CNKSR2: variants seen among roughly 807,000 people sequenced by gnomAD.
CNKSR2 encodes connector enhancer of kinase suppressor of Ras 2.
Under a neutral mutation model 84.4 loss-of-function variants are expected in CNKSR2, and 14 were observed. The ratio of observed to expected loss-of-function variants is 0.17; its 90% CI spans 0.11 to 0.26. The LOEUF is 0.26. Among genes scored for constraint, CNKSR2 ranks in the 10% least tolerant of loss-of-function variants. The probability of loss-of-function intolerance (pLI) is 1.00; values close to 1 mark genes in which losing one functional copy is unlikely to be tolerated. For synonymous variants in CNKSR2, 275 were observed against 277.9 expected (o/e 0.99, Z 0.10); for missense variants, 485 against 771.2 (o/e 0.63, Z 4.40).
intron 4 of CNKSR2, 162 bp downstream of exon 4, chrX:21,440,943 CTG>C: frequency 2.9e-6 from 1 of 341,568 alleles, no homozygotes; most frequent in Non-Finnish European, 5.0e-6. Flanking sequence ...TATTGGGAGA[CTG>C]TGCATTTAGC....
At chrX:21,382,362 T>G in intron 1 of CNKSR2, among the ~76,000 whole-genome samples, 1 of 111,899 alleles carries the variant, frequency 8.9e-6, no homozygotes. Context: ...TTATAAATAG[T>G]ATAAATATTA....
intron 9 of CNKSR2, among the ~76,000 whole-genome samples, chrX:21,517,672 C>T (rs1357721108): frequency 9.1e-6 from 1 of 109,454 alleles, no homozygotes; most frequent in East Asian, 2.9e-4. Context: ...TTGTCCTTCA[C>T]GAAACGTACA....
chrX:21,488,280 AT>A (rs2091406221), intron 5 of CNKSR2, among the ~76,000 whole-genome samples: 1 of 112,025 alleles, frequency 8.9e-6, no homozygotes, highest in African/African-American at 3.2e-5. Context: ...AAAAGCATTT[AT>A]TGGGTGTCTT....
In CNKSR2 at chrX:21,474,526, A is replaced by G. The variant is rs376551253; in HGVS notation, c.561+3719A>G. On this transcript the variant is annotated intron_variant, in intron 5 of 21. Coordinates refer to ENST00000379510, the MANE Select transcript of CNKSR2 (RefSeq NM_014927.5). ...CTGCTGGCTCTAATCCAATTATCCC[A>G]TTGGTCAAAGCTTGCTCCTTGGGGT... 1.5e-3 allele frequency among the ~76,000 whole-genome samples: 166 copies of G among 112,096 alleles called. 2 individuals are homozygous for G. In the South Asian group the frequency reaches 0.046, roughly 31 times the overall value.
chrX:21,468,235 A>G (rs1476823745), intron 4 of CNKSR2, among the ~76,000 whole-genome samples: 1 of 110,889 alleles, frequency 9.0e-6, no homozygotes, highest in Non-Finnish European at 1.9e-5. Flanking sequence ...CAAGGGGAAA[A>G]ATATGTCTAT....
intron 11 of CNKSR2, among the ~76,000 whole-genome samples, chrX:21,552,134 G>A (rs761768783): frequency 9.0e-6 from 1 of 110,544 alleles, no homozygotes; most frequent in South Asian, 3.8e-4. Context: ...TGGTAGCTAG[G>A]TAAAGTTTAA....
intron 20 of CNKSR2, among the ~76,000 whole-genome samples, chrX:21,647,201 T>TCAC (rs2092708740): frequency 8.9e-6 from 1 of 112,418 alleles, no homozygotes; most frequent in South Asian, 3.7e-4. Flanking sequence ...TTAAAATTTA[T>TCAC]CACAGAGGAC....
chrX:21,386,211 A>G (rs2089968437), intron 1 of CNKSR2, among the ~76,000 whole-genome samples: 1 of 111,134 alleles, frequency 9.0e-6, no homozygotes, highest in South Asian at 3.8e-4. Flanking sequence ...TGCTACCTGC[A>G]TTTCATTAGT....
At chrX:21,430,740 A>C (rs1458429304) in intron 2 of CNKSR2, among the ~76,000 whole-genome samples, 1 of 112,009 alleles carries the variant, frequency 8.9e-6, no homozygotes, top group East Asian at 2.8e-4. Flanking sequence ...TATAGTTATA[A>C]ATTGTTCTTA....
At chrX:21,523,048 A>G (rs1369198085) in intron 9 of CNKSR2, among the ~76,000 whole-genome samples, 1 of 110,982 alleles carries the variant, frequency 9.0e-6, no homozygotes, top group African/African-American at 3.3e-5. Context: ...GGATTTGGAC[A>G]TTTTAAGAGA....
intron 17 of CNKSR2, among the ~76,000 whole-genome samples, chrX:21,599,383 T>TGTGTGA (rs1491472902): frequency 1.1e-5 from 1 of 93,506 alleles, no homozygotes; most frequent in African/African-American, 3.8e-5. Flanking sequence ...TGTGTGTGTG[T>TGTGTGA]GAGATGGAGT....
rs138819713 is a variant in CNKSR2 at position 21,426,336 on chromosome X, C to G, written c.65-161C>G. 2.1e-3 allele frequency: 922 copies of G among 440,546 alleles called. 10 individuals carry two copies. The African/African-American group carries it at 0.022, about 10-fold the overall frequency. The allele number at this position is 440,546 out of a possible 1,213,427, so 36.3% of individuals were successfully genotyped here. The stretch of plus-strand genomic sequence containing the variant: ...AAGTGATTTTCTTTTTCACTGTAGC[C>G]CATATGTAGGTTAAGAAAGGGCGAA... On this transcript the variant is annotated intron_variant, in intron 1 of 21. Coordinates refer to ENST00000379510, the MANE Select transcript of CNKSR2 (RefSeq NM_014927.5).
chrX:21,496,663 C>T (rs1362595641), intron 6 of CNKSR2, among the ~76,000 whole-genome samples: 2 of 111,155 alleles, frequency 1.8e-5, no homozygotes, highest in African/African-American at 6.5e-5. Context: ...CATGTATTTT[C>T]AGGTATCTAA....
chrX:21,584,851 T>C (rs1197463868), intron 13 of CNKSR2, among the ~76,000 whole-genome samples: 1 of 111,204 alleles, frequency 9.0e-6, no homozygotes, highest in Admixed American at 9.6e-5. Context: ...TATAGGCATT[T>C]ATTCAGAGGG....
intron 1 of CNKSR2, among the ~76,000 whole-genome samples, chrX:21,419,179 G>T (rs945493350): frequency 8.2e-5 from 9 of 109,756 alleles, no homozygotes; most frequent in Admixed American, 4.9e-4. Context: ...GCTGTTAAAA[G>T]ACTCTGATGC....
At chrX:21,384,313 G>A (rs1237617912) in intron 1 of CNKSR2, among the ~76,000 whole-genome samples, 1 of 111,482 alleles carries the variant, frequency 9.0e-6, no homozygotes, top group Non-Finnish European at 1.9e-5. Flanking sequence ...GGCAGTCTCT[G>A]TTGGCACTAA....
At chrX:21,531,826 A>G (rs751640014) in intron 10 of CNKSR2, 30 bp from the exon 11 acceptor site, 1 of 1,057,022 alleles carries the variant, frequency 9.5e-7, no homozygotes, top group Non-Finnish European at 1.3e-6. Flanking sequence ...ATGTTTCTAC[A>G]TCTTCTCCTT....
intron 7 of CNKSR2, among the ~76,000 whole-genome samples, chrX:21,499,996 A>C (rs2060407576): frequency 9.0e-6 from 1 of 111,190 alleles, no homozygotes; most frequent in African/African-American, 3.2e-5. Flanking sequence ...ACCAAATACC[A>C]CAGGAACCAA....
At chrX:21,507,884 G>A (rs933203609) in intron 8 of CNKSR2, among the ~76,000 whole-genome samples, 1 of 111,550 alleles carries the variant, frequency 9.0e-6, no homozygotes, top group African/African-American at 3.3e-5. Flanking sequence ...CCTTAGCTTT[G>A]GTGACTGGGA....
Sources: allele counts gnomAD v4.1 joint callset (sites outside exome capture counted in the v4.1 genomes callset), GRCh38; gene constraint gnomAD v4.1.1; transcripts MANE v1.5; gene names NCBI Gene and HGNC (gene_info 2026-07-23, HGNC 2026-07-21).